RHOT2: variants seen among roughly 807,000 people sequenced by gnomAD.
RHOT2 encodes mitochondrial Rho GTPase 2.
Under a neutral mutation model 81.6 loss-of-function variants are expected in RHOT2, and 90 were observed. The ratio of observed to expected loss-of-function variants is 1.10; its 90% CI spans 0.93 to 1.31. RHOT2 has a LOEUF of 1.31. Among genes scored for constraint, RHOT2 ranks in the 40% most tolerant of loss-of-function variants. RHOT2 has a pLI of 0.00. For synonymous variants in RHOT2, 512 were observed against 370.9 expected (o/e 1.38, Z -4.37); for missense variants, 1,014 against 841.9 (o/e 1.20, Z -2.53).
At chr16:671,624 C>A in intron 11 of RHOT2, 73 bp from the exon 12 acceptor site, 1 of 1,501,324 alleles carries the variant, frequency 6.7e-7, no homozygotes, top group Non-Finnish European at 9.2e-7. Context: ...ATGGGGCTGG[C>A]AGGGTGACAG....
chr16:673,991 G>T lies in RHOT2; in HGVS notation c.*385G>T. Reference sequence around the variant, plus strand: ...CTGGTCCTAGGTGGCCAGTGGGTATGAGGAGGGCTGGAAGGCAGAGCTTTG... The same window carrying T: ...CTGGTCCTAGGTGGCCAGTGGGTATTAGGAGGGCTGGAAGGCAGAGCTTTG... On this transcript the variant is annotated 3_prime_UTR_variant, in exon 19 of 19. Transcript: ENST00000315082. 2.4e-6 allele frequency: 1 copy of T among 412,614 alleles called. No homozygotes were observed. Among genetic ancestry groups the T allele is most frequent in the Non-Finnish European group, 4.8e-6 (1 of 209,508 alleles). 25.6% of individuals were successfully genotyped at this position (412,614 alleles called of 1,614,324 possible).
intron 16 of RHOT2, 25 bp from the exon 17 acceptor site, chr16:672,678 T>C (rs748820278): frequency 6.2e-7 from 1 of 1,611,724 alleles, no homozygotes; most frequent in Non-Finnish European, 8.5e-7. Context: ...CCAGGGACCC[T>C]TCCTAAGGCC....
At chr16:672,887 G>GC in intron 17 of RHOT2, 41 bp from the exon 18 acceptor site, 1 of 1,612,406 alleles carries the variant, frequency 6.2e-7, no homozygotes, top group Non-Finnish European at 8.5e-7. Context: ...CTGTGCCTCG[G>GC]CCACCCCAGG....
At chr16:668,831 G>T in intron 4 of RHOT2, 132 bp downstream of exon 4, 1 of 984,570 alleles carries the variant, frequency 1.0e-6, no homozygotes, top group South Asian at 1.7e-5. Flanking sequence ...CCGCACTGAG[G>T]GTTGTCGGGG....
At position 671,238 on chromosome 16, in the gene RHOT2, C is replaced by G. The variant is rs561645394; in HGVS notation, c.869+35C>G. 3.0e-5 allele frequency: 45 copies of G among 1,518,046 alleles called. 1 individual carries two copies. The South Asian group carries it at 5.7e-4, about 19-fold the overall frequency. 94.0% of individuals were successfully genotyped at this position (1,518,046 alleles called of 1,614,324 possible). Reference sequence around the variant, plus strand: ...GCCGGGGCTTGAGGCCTGCCCTCCCCGAGGGTCAGGAGCTGACTGCCGACT... The same window carrying G: ...GCCGGGGCTTGAGGCCTGCCCTCCCGGAGGGTCAGGAGCTGACTGCCGACT... On this transcript the variant is annotated intron_variant, in intron 11 of 18. Transcript: ENST00000315082.
In RHOT2 at chr16:673,483, T is replaced by C; in HGVS notation, c.1734T>C (p.His578=). ...AGATGATTCTTCTCTCTTGCAGACA[T>C]TTGGTCCACGCAGAGCTGCATCCCT... ...TQLATMAAFP[H]LVHAELHPSS... is the part of the protein sequence containing the mutation. The change falls in exon 19 of 19, where the codon CAT becomes CAC. Residue 578 remains histidine (H), a synonymous_variant. Coordinates refer to ENST00000315082, the MANE Select transcript of RHOT2 (RefSeq NM_138769.3). 3.7e-6 allele frequency: 6 copies of C among 1,612,594 alleles called. No homozygotes were observed. Among genetic ancestry groups the C allele is most frequent in the Non-Finnish European group, 5.1e-6 (6 of 1,179,880 alleles).
Position 674,062 on chromosome 16 carries a change from T to A in RHOT2, c.*456T>A, listed in dbSNP as rs576229769. ...GGGTCCCCCCTCAAGTTTGGAGCCGTTTCCGTGGTTGTAGCAGAGGACCGG... is the reference window on the plus strand; with the variant it reads ...GGGTCCCCCCTCAAGTTTGGAGCCGATTCCGTGGTTGTAGCAGAGGACCGG... On this transcript the variant is annotated 3_prime_UTR_variant, in exon 19 of 19. Transcript: ENST00000315082. 4 of 245,500 alleles carry A rather than the reference T, an allele frequency of 1.6e-5. No homozygotes were observed. Among genetic ancestry groups the A allele is most frequent in the African/African-American group, 9.2e-5 (4 of 43,250 alleles). 15.2% of individuals were successfully genotyped at this position (245,500 alleles called of 1,614,324 possible). A position where few individuals can be genotyped will look rare whatever the true frequency, so the allele number is the denominator to read the frequency against.
At chr16:669,766 C>A (rs372289467) in intron 5 of RHOT2, 160 bp downstream of exon 5, 5 of 716,714 alleles carry the variant, frequency 7.0e-6, no homozygotes, top group Admixed American at 4.2e-5. Flanking sequence ...CTCCTGTGAT[C>A]CCACTTCCCC....
Position 670,106 on chromosome 16 carries a change from C to T in RHOT2, c.277-17C>T. 11 of 1,551,674 alleles carry T rather than the reference C, an allele frequency of 7.1e-6. No homozygotes were observed. Among genetic ancestry groups the T allele is most frequent in the Non-Finnish European group, 9.6e-6 (11 of 1,150,278 alleles). On this transcript the variant is annotated splice_polypyrimidine_tract_variant and intron_variant, in intron 5 of 18. Coordinates refer to ENST00000315082, the MANE Select transcript of RHOT2 (RefSeq NM_138769.3). Reference sequence around the variant, plus strand: ...CCCGCGGGCAGCCTCACTTCACAGCCAGGCTTTGCTTTTCAGATTCGAACT... The same window carrying T: ...CCCGCGGGCAGCCTCACTTCACAGCTAGGCTTTGCTTTTCAGATTCGAACT...
rs576808008 is a variant in RHOT2, at chr16:674,128, C to G, written c.*522C>G. On this transcript the variant is annotated 3_prime_UTR_variant, in exon 19 of 19. Coordinates refer to ENST00000315082, the MANE Select transcript of RHOT2 (RefSeq NM_138769.3). Reference sequence around the variant, plus strand: ...TTAAACTTCACTGTGTGTTTTCTATCTCGGATCCCAGTCTCTGAAGACAAC... The same window carrying G: ...TTAAACTTCACTGTGTGTTTTCTATGTCGGATCCCAGTCTCTGAAGACAAC... 1 of 208,296 alleles carries G rather than the reference C, an allele frequency of 4.8e-6. No homozygotes were observed. The highest frequency in any genetic ancestry group is 2.4e-5 in the African/African-American group (1 of 42,114). 12.9% of individuals were successfully genotyped at this position (208,296 alleles called of 1,614,324 possible). A position where few individuals can be genotyped will look rare whatever the true frequency, so the allele number is the denominator to read the frequency against.
rs377058405 is a variant in RHOT2, at chr16:672,699, C to T, written c.1405-4C>T. 6.2e-7 allele frequency: 1 copy of T among 1,612,046 alleles called. No individual in the cohort carries two copies. The highest frequency in any genetic ancestry group is 1.3e-5 in the African/African-American group (1 of 74,938). ...ACCCTTCCTAAGGCCGCTGTCTGTC[C>T]CAGCTCTGTGAGGTGGGCACAGATG... On this transcript the variant is annotated splice_region_variant and splice_polypyrimidine_tract_variant and intron_variant, in intron 16 of 18. Transcript: ENST00000315082.
rs549403325 is a variant in RHOT2, at chr16:672,714, G to A, written c.1416G>A (p.Val472=). ...GQEKYLILCE[V]GTDGLLATSL... ...GCTGTCTGTCCCAGCTCTGTGAGGT[G>A]GGCACAGATGGTCTGCTGGCCACAT... The change falls in exon 17 of 19, where the codon GTG becomes GTA. Residue 472 remains valine, a synonymous_variant. Transcript: ENST00000315082. The A allele has an allele frequency of 6.2e-7, 1 of 1,612,284 alleles. No individual in the cohort carries two copies. The highest frequency in any genetic ancestry group is 1.1e-5 in the South Asian group (1 of 91,084).
In RHOT2 at chr16:670,114, G is replaced by A. The variant is rs558561278; in HGVS notation, c.277-9G>A. On this transcript the variant is annotated splice_polypyrimidine_tract_variant and intron_variant, in intron 5 of 18. Transcript: ENST00000315082. ...CAGCCTCACTTCACAGCCAGGCTTT[G>A]CTTTTCAGATTCGAACTAAGTGGAT... is the stretch of plus-strand genomic sequence containing the variant. 1.3e-6 allele frequency: 2 copies of A among 1,558,538 alleles called. No homozygotes were observed. Among genetic ancestry groups the A allele is most frequent in the Non-Finnish European group, 1.7e-6 (2 of 1,153,686 alleles).
chr16:668,751 T>G (rs1430240060), intron 4 of RHOT2, 52 bp downstream of exon 4: 1 of 1,535,368 alleles, frequency 6.5e-7, no homozygotes, highest in East Asian at 2.4e-5. Context: ...CTCGGCCTAA[T>G]CCGCTTCGCA....
At chr16:669,738 G>A (rs1204764209) in intron 5 of RHOT2, 132 bp downstream of exon 5, 8 of 884,862 alleles carry the variant, frequency 9.0e-6, no homozygotes, top group Middle Eastern at 5.9e-4. Flanking sequence ...GTTGCCTGAC[G>A]TGGAGTCACC....
Position 673,722 on chromosome 16 carries a change from C to G in RHOT2, c.*116C>G, listed in dbSNP as rs1195765815. ...CTGCCACTCCGGGAACGCCTTTGCG[C>G]CGGGACTTTTTGTTTCTGAAGGCAG... On this transcript the variant is annotated 3_prime_UTR_variant, in exon 19 of 19. Transcript: ENST00000315082. 9 of 1,339,540 alleles carry G rather than the reference C, an allele frequency of 6.7e-6. No homozygotes were observed. The highest frequency in any genetic ancestry group is 2.7e-4 in the Middle Eastern group (1 of 3,738). 83.0% of individuals were successfully genotyped at this position (1,339,540 alleles called of 1,614,324 possible). A position where few individuals can be genotyped will look rare whatever the true frequency, so the allele number is the denominator to read the frequency against.
Position 670,795 on chromosome 16 carries a change from G to T in RHOT2, c.639+22G>T, listed in dbSNP as rs529398089. 5 of 1,610,140 alleles carry T rather than the reference G, an allele frequency of 3.1e-6. No individual in the cohort carries two copies. In the Admixed American group the frequency reaches 6.7e-5, roughly 21 times the overall value. On this transcript the variant is annotated intron_variant, in intron 9 of 18. Transcript: ENST00000315082. ...CCAGGTGTGCCCCTGCCCCACCCTC[G>T]GTGCCCAGCCCCCTTGAACCTCCGC... is the stretch of plus-strand genomic sequence containing the variant.
Position 670,704 on chromosome 16 carries a change from G to A in RHOT2, c.570G>A (p.Thr190=), listed in dbSNP as rs371656188. 5.7e-5 allele frequency: 92 copies of A among 1,612,356 alleles called. No homozygotes were observed. Among genetic ancestry groups the A allele is most frequent in the South Asian group, 5.2e-4 (47 of 91,088 alleles). Residue 190 remains threonine (T), a synonymous_variant, in exon 9 of 19, where the codon ACG becomes ACA. Transcript: ENST00000315082. ...GGCCCGCGTGCGCCCAGGCGCTGAC[G>A]CGCATCTTCAGGCTCTCAGATCAGG... ...QLRPACAQAL[T]RIFRLSDQDL...
rs765342457 is a variant in RHOT2 at position 670,764 on chromosome 16, C to G, written c.630C>G (p.Asn210Lys). Residue 210 changes from asparagine to lysine, a missense_variant, in exon 9 of 19, where the codon AAC becomes AAG. Coordinates refer to ENST00000315082, the MANE Select transcript of RHOT2 (RefSeq NM_138769.3). ...LDQALSDEEL[N>K]AFQKSCFGHP... ...AGGCGCTCAGTGACGAAGAGCTCAACGCTTTCCAGGTGTGCCCCTGCCCCA... is the reference window on the plus strand; with the variant it reads ...AGGCGCTCAGTGACGAAGAGCTCAAGGCTTTCCAGGTGTGCCCCTGCCCCA... 4 of 1,612,150 alleles carry G rather than the reference C, an allele frequency of 2.5e-6. No homozygotes were observed. Among genetic ancestry groups the G allele is most frequent in the Non-Finnish European group, 3.4e-6 (4 of 1,179,912 alleles).
Sources: allele counts gnomAD v4.1 joint callset, GRCh38; gene constraint gnomAD v4.1.1; transcripts MANE v1.5; gene names NCBI Gene and HGNC (gene_info 2026-07-23, HGNC 2026-07-21).